ASTN2: variants seen among roughly 807,000 people sequenced by gnomAD.
The protein encoded by ASTN2 is astrotactin-2.
ASTN2 carries 54 observed loss-of-function variants against 139.8 expected under a neutral mutation model. The observed-to-expected ratio is 0.39, with a 90% CI of 0.31 to 0.48. The LOEUF (loss-of-function observed/expected upper bound fraction) is 0.48. Among genes scored for constraint, ASTN2 ranks in the 20% least tolerant of loss-of-function variants. The pLI is 0.95. For synonymous variants in ASTN2, 756 were observed against 719.5 expected (o/e 1.05, Z -0.81); for missense variants, 1,565 against 1,725.1 (o/e 0.91, Z 1.64).
chr9:116,978,470 A>ATT (rs1836415386), intron 7 of ASTN2, among the ~76,000 whole-genome samples: 1 of 141,778 alleles, frequency 7.1e-6, no homozygotes, highest in Non-Finnish European at 1.5e-5. Flanking sequence ...CTCTGTATGT[A>ATT]TCTCTCTCTC....
At chr9:117,269,462 A>G (rs919595793) in intron 2 of ASTN2, among the ~76,000 whole-genome samples, 6 of 152,106 alleles carry the variant, frequency 3.9e-5, no homozygotes, top group African/African-American at 1.4e-4. Flanking sequence ...AAAATTGGGG[A>G]GGTTTTTTAT....
intron 1 of ASTN2, among the ~76,000 whole-genome samples, chr9:117,331,461 C>T (rs1828704553): frequency 6.6e-6 from 1 of 152,124 alleles, no homozygotes; most frequent in African/African-American, 2.4e-5. Context: ...TCGGTGTTCT[C>T]ATCCATTAAA....
At chr9:117,186,533 C>A (rs367558521) in intron 3 of ASTN2, among the ~76,000 whole-genome samples, 1 of 150,964 alleles carries the variant, frequency 6.6e-6, no homozygotes, top group Non-Finnish European at 1.5e-5. Context: ...GGCAACAGAG[C>A]GAGACTCTGT....
chr9:116,629,440 G>A (rs914000147), intron 17 of ASTN2, among the ~76,000 whole-genome samples: 3 of 152,052 alleles, frequency 2.0e-5, no homozygotes, highest in Admixed American at 6.6e-5. Context: ...TCTTACAGAT[G>A]AGCAAGTGAA....
intron 1 of ASTN2, among the ~76,000 whole-genome samples, chr9:117,404,049 C>T (rs1830913967): frequency 6.6e-6 from 1 of 152,108 alleles, no homozygotes; most frequent in Non-Finnish European, 1.5e-5. Flanking sequence ...TTCCAGGTGG[C>T]GAAGAGGCAC....
chr9:117,307,178 T>C (rs1835022347), intron 1 of ASTN2, among the ~76,000 whole-genome samples: 1 of 152,228 alleles, frequency 6.6e-6, no homozygotes, highest in African/African-American at 2.4e-5. Context: ...CACAAACACA[T>C]GTACTTCCTT....
At chr9:116,474,863 C>T (rs1284582044) in intron 20 of ASTN2, among the ~76,000 whole-genome samples, 1 of 152,190 alleles carries the variant, frequency 6.6e-6, no homozygotes. Flanking sequence ...GATCCCACTC[C>T]AGAAGCCTCT....
chr9:117,002,855 G>T (rs1252165660), intron 7 of ASTN2, among the ~76,000 whole-genome samples: 1 of 152,146 alleles, frequency 6.6e-6, no homozygotes, highest in African/African-American at 2.4e-5. Flanking sequence ...GAGGAACAAA[G>T]CCATGACATA....
chr9:116,536,853 T>A (rs1328749663), intron 19 of ASTN2, among the ~76,000 whole-genome samples: 6 of 152,198 alleles, frequency 3.9e-5, no homozygotes, highest in Non-Finnish European at 8.8e-5. Flanking sequence ...TCAAACTCCA[T>A]GCTGGGAGAA....
intron 22 of ASTN2, among the ~76,000 whole-genome samples, chr9:116,426,902 G>A (rs1847326229): frequency 6.6e-6 from 1 of 152,150 alleles, no homozygotes. Context: ...ATAAATGATA[G>A]CTACTCTTAT....
chr9:117,109,835 T>A (rs1054835178), intron 4 of ASTN2, among the ~76,000 whole-genome samples: 2 of 152,194 alleles, frequency 1.3e-5, no homozygotes, highest in Non-Finnish European at 2.9e-5. Flanking sequence ...TCCGGGAGTA[T>A]TCTCATGAGT....
At chr9:116,974,379 T>G (rs951337180) in intron 10 of ASTN2, among the ~76,000 whole-genome samples, 1 of 152,158 alleles carries the variant, frequency 6.6e-6, no homozygotes, top group Non-Finnish European at 1.5e-5. Flanking sequence ...CAGAATGATA[T>G]GTAAGCATCT....
chr9:117,200,314 A>T (rs1321482512), intron 3 of ASTN2, among the ~76,000 whole-genome samples: 1 of 151,170 alleles, frequency 6.6e-6, no homozygotes. Flanking sequence ...GCAAACAGAG[A>T]CAACTTGACT....
chr9:116,834,476 G>A (rs1261266492), intron 11 of ASTN2, among the ~76,000 whole-genome samples: 1 of 152,052 alleles, frequency 6.6e-6, no homozygotes, highest in African/African-American at 2.4e-5. Flanking sequence ...CAGTTCTGTT[G>A]TTTGATGCAT....
intron 1 of ASTN2, among the ~76,000 whole-genome samples, chr9:117,366,316 A>G (rs866508531): frequency 3.4e-4 from 52 of 152,138 alleles, no homozygotes; most frequent in African/African-American, 1.1e-3. Context: ...TAAACTATAT[A>G]GGGCACTTTC....
At chr9:117,311,229 GA>G (rs67365219) in intron 1 of ASTN2, among the ~76,000 whole-genome samples, 86,243 of 140,404 alleles carry the variant, frequency 0.61, 26,382 homozygotes, top group South Asian at 0.71. Flanking sequence ...TAGGCTTACA[GA>G]AAAAAAAAAA....
intron 16 of ASTN2, among the ~76,000 whole-genome samples, chr9:116,721,853 A>T (rs34687269): frequency 0.47 from 70,823 of 152,010 alleles, 16,736 homozygotes; most frequent in Admixed American, 0.57. Flanking sequence ...AATCAACATC[A>T]AAAACTAGGT....
intron 16 of ASTN2, chr9:116,687,372 G>T: frequency 1.9e-6 from 1 of 532,446 alleles, no homozygotes; most frequent in Non-Finnish European, 2.4e-6. Flanking sequence ...TCGGAGCCGC[G>T]GGCGGTCAGG....
intron 11 of ASTN2, among the ~76,000 whole-genome samples, chr9:116,853,712 C>T (rs1832670083): frequency 6.6e-6 from 1 of 152,204 alleles, no homozygotes; most frequent in African/African-American, 2.4e-5. Flanking sequence ...AAAGCAGCAC[C>T]TAAAACAGTG....
Sources: gnomAD v4.1 joint callset for allele counts (sites outside exome capture counted in the v4.1 genomes callset) on GRCh38, gnomAD v4.1.1 for gene constraint, MANE v1.5 for transcripts, NCBI Gene and HGNC (gene_info 2026-07-23, HGNC 2026-07-21) for gene names.